The following MIA2 variants were observed in gnomAD, a reference collection of about 807,000 sequenced individuals.
MIA2 encodes melanoma inhibitory activity protein 2.
A neutral mutation model predicts 167.8 loss-of-function variants in MIA2; 127 were observed. The ratio of observed to expected loss-of-function variants is 0.76; its 90% CI spans 0.66 to 0.88. The LOEUF (loss-of-function observed/expected upper bound fraction) is 0.88. Among genes scored for constraint, MIA2 ranks in the 40% least tolerant of loss-of-function variants. The pLI is 0.00. For synonymous variants in MIA2, 552 were observed against 541.9 expected (o/e 1.02, Z -0.26); for missense variants, 1,690 against 1,624.7 (o/e 1.04, Z -0.69).
At chr14:39,370,514 C>G in intron 23 of MIA2, 1 of 292,578 alleles carries the variant, frequency 3.4e-6, no homozygotes, top group Non-Finnish European at 7.2e-6. Context: ...ACTTTGTAGG[C>G]CAGATTGTCA....
chr14:39,372,486 G>A (rs1027832172), intron 23 of MIA2, among the ~76,000 whole-genome samples: 7 of 152,112 alleles, frequency 4.6e-5, no homozygotes, highest in African/African-American at 9.7e-5. Context: ...TTTCCAAATC[G>A]GACCAGGCAG....
intron 23 of MIA2, among the ~76,000 whole-genome samples, chr14:39,381,323 A>C (rs1392989501): frequency 6.6e-6 from 1 of 152,242 alleles, no homozygotes; most frequent in Admixed American, 6.5e-5. Flanking sequence ...GGAGAGAAAG[A>C]AAGCATAAAG....
chr14:39,342,443 G>A (rs1475465105), intron 25 of MIA2, among the ~76,000 whole-genome samples: 1 of 152,106 alleles, frequency 6.6e-6, no homozygotes, highest in Non-Finnish European at 1.5e-5. Flanking sequence ...CCAAGTCTTT[G>A]CTATTGTGAA....
chr14:39,338,452 C>G (rs1414151906), intron 25 of MIA2, among the ~76,000 whole-genome samples: 1 of 151,980 alleles, frequency 6.6e-6, no homozygotes, highest in Non-Finnish European at 1.5e-5. Context: ...AATTTGAGCA[C>G]AGTGATATAA....
At chr14:39,315,315 A>AT (rs1056427930) in intron 20 of MIA2, 4 of 166,996 alleles carry the variant, frequency 2.4e-5, no homozygotes, top group Non-Finnish European at 3.8e-5. Flanking sequence ...AAAAAAAAAA[A>AT]AAATAAAATA....
At chr14:39,265,527 T>A in intron 6 of MIA2, 3 of 819,970 alleles carry the variant, frequency 3.7e-6, no homozygotes, top group Non-Finnish European at 5.8e-6. Flanking sequence ...CTTGGATTTT[T>A]CTTTTTTTTT....
At chr14:39,280,058 GT>G (rs2058699007) in intron 9 of MIA2, among the ~76,000 whole-genome samples, 1 of 152,050 alleles carries the variant, frequency 6.6e-6, no homozygotes, top group Non-Finnish European at 1.5e-5. Context: ...GTGTGTGTGT[GT>G]GTGTGAAGAT....
intron 13 of MIA2, among the ~76,000 whole-genome samples, chr14:39,295,812 C>G (rs1481836126): frequency 6.6e-6 from 1 of 152,188 alleles, no homozygotes; most frequent in Non-Finnish European, 1.5e-5. Flanking sequence ...CCTGCCTCGG[C>G]CTCCTAAAGT....
intron 9 of MIA2, among the ~76,000 whole-genome samples, chr14:39,282,721 A>G (rs567085535): frequency 5.3e-5 from 8 of 152,252 alleles, no homozygotes; most frequent in African/African-American, 1.9e-4. Flanking sequence ...CTACAGGCAC[A>G]TGATACATGC....
At chr14:39,289,483 G>A (rs980292277) in intron 9 of MIA2, among the ~76,000 whole-genome samples, 2 of 152,176 alleles carry the variant, frequency 1.3e-5, no homozygotes, top group African/African-American at 4.8e-5. Context: ...AAAGTGCTAG[G>A]ATTACAGGTG....
In MIA2 at chr14:39,247,771, C is replaced by G; in HGVS notation, c.1197C>G (p.Asp399Glu). 1 of 1,613,296 alleles carries G rather than the reference C, an allele frequency of 6.2e-7. No homozygotes were observed. The highest frequency in any genetic ancestry group is 8.5e-7 in the Non-Finnish European group (1 of 1,179,884). ...YAKEDKIMLD[D>E]RKNEEDGGAD... ...AGGAAGATAAAATTATGTTAGATGA[C>G]AGGAAAAATGAAGAAGATGGTGGGG... Residue 399 changes from aspartate (D) to glutamate (E), a missense_variant, in exon 4 of 29, where the codon GAC becomes GAG. Coordinates refer to ENST00000640607, the MANE Select transcript of MIA2 (RefSeq NM_001329214.4).
chr14:39,292,923 T>G (rs1400651169), intron 10 of MIA2, among the ~76,000 whole-genome samples: 1 of 152,206 alleles, frequency 6.6e-6, no homozygotes, highest in Non-Finnish European at 1.5e-5. Context: ...TAAGCAGAGG[T>G]TGGCAAACTG....
intron 13 of MIA2, among the ~76,000 whole-genome samples, chr14:39,296,676 G>A (rs2152847478): frequency 6.8e-6 from 1 of 146,790 alleles, no homozygotes; most frequent in South Asian, 2.1e-4. Flanking sequence ...GGGTACATGT[G>A]CACATTGTGC....
intron 6 of MIA2, among the ~76,000 whole-genome samples, chr14:39,257,776 C>T (rs1439759238): frequency 1.3e-5 from 2 of 152,152 alleles, no homozygotes; most frequent in African/African-American, 2.4e-5. Context: ...TAAGGCAGGC[C>T]TGTTGGTGAC....
chr14:39,262,848 T>C (rs537458585), intron 6 of MIA2, among the ~76,000 whole-genome samples: 26 of 152,242 alleles, frequency 1.7e-4, no homozygotes, highest in African/African-American at 6.0e-4. Context: ...ATGCTTGTGA[T>C]TTTTGCACAT....
chr14:39,261,823 G>A (rs1368698491), intron 6 of MIA2, among the ~76,000 whole-genome samples: 1 of 151,992 alleles, frequency 6.6e-6, no homozygotes, highest in Non-Finnish European at 1.5e-5. Context: ...CTTCACCCAC[G>A]TGTTGATGGG....
chr14:39,277,066 G>A lies in MIA2; in HGVS notation c.2019+1G>A. ...TTTTTTGTGGAGAAGTTTTAGATCG[G>A]TAAGTAACCAGTGCTATACTAAGAG... On this transcript the variant is annotated splice_donor_variant, in intron 7 of 28. Transcript: ENST00000640607. LOFTEE classifies it high-confidence loss of function. 6.2e-7 allele frequency: 1 copy of A among 1,613,372 alleles called. No homozygotes were observed.
chr14:39,332,919 A>T (rs1481409538), intron 25 of MIA2, among the ~76,000 whole-genome samples: 1 of 150,176 alleles, frequency 6.7e-6, no homozygotes, highest in Non-Finnish European at 1.5e-5. Context: ...AGGTTTACTG[A>T]CTCTTTCCTT....
downstream of MIA2, among the ~76,000 whole-genome samples, chr14:39,352,665 T>C (rs901180883): frequency 3.3e-5 from 5 of 152,142 alleles, no homozygotes; most frequent in African/African-American, 1.2e-4. Context: ...CTTCTTCCCA[T>C]ATATTTTAAA....
Sources: allele counts gnomAD v4.1 joint callset (sites outside exome capture counted in the v4.1 genomes callset), GRCh38; gene constraint gnomAD v4.1.1; transcripts MANE v1.5; gene names NCBI Gene and HGNC (gene_info 2026-07-23, HGNC 2026-07-21).